The following NUBPL variants were observed in gnomAD, a reference collection of about 807,000 sequenced individuals.
The protein encoded by NUBPL is NUBP iron-sulfur cluster assembly factor, mitochondrial, also known as iron-sulfur cluster transfer protein NUBPL.
A neutral mutation model predicts 45.7 loss-of-function variants in NUBPL; 31 were observed. The observed-to-expected ratio is 0.68, with a 90% CI of 0.51 to 0.92. The LOEUF (loss-of-function observed/expected upper bound fraction) is 0.92. NUBPL is among the 40% of genes least tolerant of loss of function. The probability of loss-of-function intolerance (pLI) is 0.00; values close to 1 mark genes in which losing one functional copy is unlikely to be tolerated. For synonymous variants in NUBPL, 144 were observed against 140.9 expected (o/e 1.02, Z -0.15); for missense variants, 401 against 398.7 (o/e 1.01, Z -0.05).
chr14:31,659,641 G>T (rs1035549038), intron 4 of NUBPL, among the ~76,000 whole-genome samples: 2 of 152,072 alleles, frequency 1.3e-5, no homozygotes, highest in African/African-American at 2.4e-5. Flanking sequence ...CAGTGAATTA[G>T]CCCCGGAGTA....
intron 3 of NUBPL, among the ~76,000 whole-genome samples, chr14:31,566,941 C>T (rs992824939): frequency 1.3e-5 from 2 of 152,080 alleles, no homozygotes; most frequent in African/African-American, 4.8e-5. Context: ...GTAATTCTGC[C>T]AACACCTTAA....
intron 4 of NUBPL, among the ~76,000 whole-genome samples, chr14:31,612,891 C>CA (rs1188821362): frequency 1.3e-5 from 2 of 151,664 alleles, no homozygotes; most frequent in Non-Finnish European, 2.9e-5. Flanking sequence ...GGAAGTTCCT[C>CA]AAAAAAACAA....
intron 6 of NUBPL, among the ~76,000 whole-genome samples, chr14:31,712,740 C>T (rs529761163): frequency 5.1e-4 from 78 of 152,340 alleles, no homozygotes; most frequent in African/African-American, 1.8e-3. Flanking sequence ...TGGCTCTCTG[C>T]ACAGAAAACC....
intron 6 of NUBPL, among the ~76,000 whole-genome samples, chr14:31,705,926 G>T (rs114417518): frequency 6.6e-6 from 1 of 152,170 alleles, no homozygotes; most frequent in South Asian, 2.1e-4. Flanking sequence ...CCTGGAACCC[G>T]CACTGGCCTG....
At chr14:31,577,517 G>C (rs1037847786) in intron 3 of NUBPL, among the ~76,000 whole-genome samples, 1 of 152,160 alleles carries the variant, frequency 6.6e-6, no homozygotes, top group African/African-American at 2.4e-5. Flanking sequence ...AGTTTCAAGC[G>C]ATTCCCCTGC....
chr14:31,736,846 A>T (rs941447243), intron 6 of NUBPL, among the ~76,000 whole-genome samples: 1 of 152,170 alleles, frequency 6.6e-6, no homozygotes, highest in African/African-American at 2.4e-5. Context: ...GTTGTTCTAC[A>T]TCCTTATTAA....
At chr14:31,807,745 T>A (rs1462108355) in intron 7 of NUBPL, among the ~76,000 whole-genome samples, 3 of 152,240 alleles carry the variant, frequency 2.0e-5, no homozygotes, top group Non-Finnish European at 4.4e-5. Flanking sequence ...CTAGGGTTTT[T>A]ATGGTTTTAG....
chr14:31,846,281 G>A, intron 8 of NUBPL, 190 bp from the exon 9 acceptor site: 1 of 573,800 alleles, frequency 1.7e-6, no homozygotes, highest in Non-Finnish European at 3.1e-6. Context: ...GATATCAAAG[G>A]TAATTCTATA....
At chr14:31,740,872 A>G (rs2038267905) in intron 6 of NUBPL, among the ~76,000 whole-genome samples, 1 of 152,026 alleles carries the variant, frequency 6.6e-6, no homozygotes, top group Admixed American at 6.6e-5. Flanking sequence ...AAGCTCAGAA[A>G]CTCTTTCTTC....
intron 8 of NUBPL, among the ~76,000 whole-genome samples, chr14:31,841,921 T>TGTTTTTGTTTTG (rs773326267): frequency 1.0e-5 from 1 of 98,800 alleles, no homozygotes; most frequent in Non-Finnish European, 2.1e-5. Context: ...TCTGGGCTTT[T>TGTTTTTGTTTTG]TTTTTTTTTT....
intron 7 of NUBPL, among the ~76,000 whole-genome samples, chr14:31,819,141 G>A (rs981071100): frequency 1.3e-5 from 2 of 152,000 alleles, no homozygotes; most frequent in Non-Finnish European, 2.9e-5. Context: ...GAATTTTGGG[G>A]GTGACAGGAG....
rs115090817 is a variant in NUBPL, at chr14:31,840,232, C to T, written c.694-6239C>T. 6.7e-3 allele frequency among the ~76,000 whole-genome samples: 1,022 copies of T among 151,940 alleles called. 14 individuals carry two copies. Among genetic ancestry groups the T allele is most frequent in the African/African-American group, 0.023 (961 of 41,452 alleles). ...GATGAATGGATTTTAAAAATGTGTA[C>T]ACACACACACATAGACACAGACAAT... On this transcript the variant is annotated intron_variant, in intron 8 of 10. Coordinates refer to ENST00000281081, the MANE Select transcript of NUBPL (RefSeq NM_025152.3).
chr14:31,613,376 C>A (rs1243279700), intron 4 of NUBPL, among the ~76,000 whole-genome samples: 1 of 151,794 alleles, frequency 6.6e-6, no homozygotes, highest in Non-Finnish European at 1.5e-5. Flanking sequence ...AATAGATGAA[C>A]TATTTGATAG....
At chr14:31,688,742 G>A (rs2037025179) in intron 6 of NUBPL, among the ~76,000 whole-genome samples, 3 of 144,568 alleles carry the variant, frequency 2.1e-5, no homozygotes, top group Admixed American at 1.4e-4. Context: ...GGGGTTTGTT[G>A]TACAGATTAT....
Position 31,673,355 on chromosome 14 carries a change from G to A in NUBPL, c.383G>A (p.Ser128Asn), listed in dbSNP as rs143612760. The A allele has an allele frequency of 1.5e-4, 246 of 1,593,464 alleles. 1 individual carries two copies. In the African/African-American group the frequency reaches 2.3e-3, roughly 15 times the overall value. Residue 128 changes from serine to asparagine, a missense_variant and splice_region_variant, in exon 5 of 11, where the codon AGC (serine) becomes AAC (asparagine). Coordinates refer to ENST00000281081, the MANE Select transcript of NUBPL (RefSeq NM_025152.3). ...AAGAGAGGATTTTTTTTTTTTCCAG[G>A]CAACCTAATGAGGCCTCTCTTGAAT... ...NLKGNPELSQ[S>N]NLMRPLLNYG...
intron 8 of NUBPL, among the ~76,000 whole-genome samples, chr14:31,833,837 C>T (rs887877945): frequency 2.6e-5 from 4 of 152,186 alleles, no homozygotes; most frequent in Admixed American, 6.5e-5. Context: ...TACTTCTGCG[C>T]ACATTCTATT....
chr14:31,728,337 A>G (rs1384779848), intron 6 of NUBPL, among the ~76,000 whole-genome samples: 1 of 152,064 alleles, frequency 6.6e-6, no homozygotes, highest in Admixed American at 6.5e-5. Context: ...GTTAAAATAG[A>G]GACAAGATCT....
intron 6 of NUBPL, among the ~76,000 whole-genome samples, chr14:31,752,697 G>T (rs888809933): frequency 1.3e-5 from 2 of 152,118 alleles, no homozygotes; most frequent in African/African-American, 2.4e-5. Flanking sequence ...TTCCAAAGTT[G>T]CTCCCACATT....
At chr14:31,634,571 C>T (rs1402182308) in intron 4 of NUBPL, among the ~76,000 whole-genome samples, 2 of 152,004 alleles carry the variant, frequency 1.3e-5, no homozygotes, top group Non-Finnish European at 2.9e-5. Context: ...GTCTTTATAG[C>T]AGCATGATTT....
Sources: gnomAD v4.1 joint callset for allele counts (sites outside exome capture counted in the v4.1 genomes callset) on GRCh38, gnomAD v4.1.1 for gene constraint, MANE v1.5 for transcripts, NCBI Gene and HGNC (gene_info 2026-07-23, HGNC 2026-07-21) for gene names.